The following ROBO2 variants were observed in gnomAD, a reference collection of about 807,000 sequenced individuals.
ROBO2 encodes the protein roundabout homolog 2.
ROBO2 carries 53 observed loss-of-function variants against 160.8 expected under a neutral mutation model. The ratio of observed to expected loss-of-function variants is 0.33; its 90% CI spans 0.26 to 0.41. The LOEUF (loss-of-function observed/expected upper bound fraction) is 0.41, where lower values mean the gene tolerates loss of function less well. Ranked by LOEUF, ROBO2 falls within the 10% of genes least tolerant of loss-of-function variation. The pLI, the probability that ROBO2 is intolerant of heterozygous loss-of-function variation, is 1.00. For synonymous variants in ROBO2, 664 were observed against 611.7 expected (o/e 1.09, Z -1.26); for missense variants, 1,577 against 1,722.4 (o/e 0.92, Z 1.49).
chr3:76,684,378 T>C lies in ROBO2; in HGVS notation c.110-413636T>C, dbSNP rs74912197. Among the ~76,000 whole-genome samples, 657 of 152,186 alleles carry C rather than the reference T, an allele frequency of 4.3e-3. 24 individuals are homozygous for C. The East Asian group carries it at 0.1, about 24-fold the overall frequency. On this transcript the variant is annotated intron_variant, in intron 2 of 26. Transcript: ENST00000487694. ...GTCTAAAGCTGTGAGTGATCTATAGTAGAGATTTGTTAAGTTCCATGTATA... is the reference window on the plus strand; with the variant it reads ...GTCTAAAGCTGTGAGTGATCTATAGCAGAGATTTGTTAAGTTCCATGTATA...
At chr3:75,947,155 G>C (rs1053343839) in intron 2 of ROBO2, among the ~76,000 whole-genome samples, 2 of 152,108 alleles carry the variant, frequency 1.3e-5, no homozygotes, top group African/African-American at 4.8e-5. Context: ...ATGACATGAG[G>C]AAGTTTGCAA....
intron 2 of ROBO2, among the ~76,000 whole-genome samples, chr3:77,355,530 G>A (rs2068984848): frequency 6.6e-6 from 1 of 152,078 alleles, no homozygotes; most frequent in Non-Finnish European, 1.5e-5. Flanking sequence ...GGTCACAGCA[G>A]GAAGGTGCTG....
chr3:76,314,018 C>T (rs2071790595), intron 2 of ROBO2, among the ~76,000 whole-genome samples: 1 of 152,080 alleles, frequency 6.6e-6, no homozygotes, highest in African/African-American at 2.4e-5. Context: ...CTTGTCAGAA[C>T]ATTTGGAAAA....
chr3:76,043,873 C>G (rs1420517957), intron 2 of ROBO2, among the ~76,000 whole-genome samples: 2 of 151,982 alleles, frequency 1.3e-5, no homozygotes, highest in Non-Finnish European at 2.9e-5. Flanking sequence ...CTTCGGATCA[C>G]TTTGCCCTGC....
At chr3:77,435,116 T>TTTTA (rs2153546062) in intron 2 of ROBO2, among the ~76,000 whole-genome samples, 1 of 152,106 alleles carries the variant, frequency 6.6e-6, no homozygotes, top group Non-Finnish European at 1.5e-5. Context: ...ATTAAAGACA[T>TTTTA]TGCATAAGCA....
chr3:76,491,938 TACAA>T (rs1301392951), intron 2 of ROBO2, among the ~76,000 whole-genome samples: 1 of 152,118 alleles, frequency 6.6e-6, no homozygotes, highest in African/African-American at 2.4e-5. Flanking sequence ...CTACTAAAAA[TACAA>T]ACAAACAAAC....
At chr3:76,792,701 G>C (rs2063441971) in intron 2 of ROBO2, among the ~76,000 whole-genome samples, 2 of 151,464 alleles carry the variant, frequency 1.3e-5, no homozygotes, top group Admixed American at 6.6e-5. Context: ...GACGATGTTG[G>C]TTTACTTAAA....
At chr3:76,456,795 G>C (rs1010548316) in intron 2 of ROBO2, among the ~76,000 whole-genome samples, 8 of 152,238 alleles carry the variant, frequency 5.3e-5, no homozygotes, top group African/African-American at 1.9e-4. Flanking sequence ...CACATGGCTG[G>C]GAAGGCCTCA....
intron 2 of ROBO2, among the ~76,000 whole-genome samples, chr3:76,853,930 G>T (rs1303267949): frequency 5.9e-5 from 9 of 151,506 alleles, no homozygotes; most frequent in Non-Finnish European, 1.5e-5. Flanking sequence ...TTCACCCAAG[G>T]CCCCTAACAG....
chr3:76,249,912 T>C (rs1705882432), intron 2 of ROBO2, among the ~76,000 whole-genome samples: 1 of 152,102 alleles, frequency 6.6e-6, no homozygotes, highest in Non-Finnish European at 1.5e-5. Flanking sequence ...AGTTAAATAA[T>C]GTCAAACAGG....
intron 2 of ROBO2, among the ~76,000 whole-genome samples, chr3:76,223,841 C>G (rs754590559): frequency 6.6e-6 from 1 of 152,154 alleles, no homozygotes; most frequent in African/African-American, 2.4e-5. Context: ...TAGGAGCAAC[C>G]AATCAGCATC....
At chr3:77,387,642 G>GAA (rs533585196) in intron 2 of ROBO2, among the ~76,000 whole-genome samples, 1 of 137,352 alleles carries the variant, frequency 7.3e-6, no homozygotes, top group Non-Finnish European at 1.6e-5. Context: ...TCTACCAAAA[G>GAA]AAAAAAAAAA....
chr3:76,151,243 A>G (rs948526128), intron 2 of ROBO2, among the ~76,000 whole-genome samples: 13 of 152,136 alleles, frequency 8.5e-5, no homozygotes, highest in African/African-American at 2.4e-4. Context: ...AGATTATGCT[A>G]GTTTCCTATA....
At chr3:77,266,010 G>A (rs777275220) in intron 2 of ROBO2, among the ~76,000 whole-genome samples, 25 of 151,964 alleles carry the variant, frequency 1.6e-4, no homozygotes, top group Non-Finnish European at 3.2e-4. Context: ...GCTATTCTAC[G>A]TATTTGGTAA....
chr3:77,125,287 G>A (rs1031983506), intron 2 of ROBO2, among the ~76,000 whole-genome samples: 11 of 152,196 alleles, frequency 7.2e-5, no homozygotes, highest in African/African-American at 2.6e-4. Context: ...GCTTCTAAGG[G>A]TGCTGTTTAT....
At chr3:76,817,961 G>A (rs527756580) in intron 2 of ROBO2, among the ~76,000 whole-genome samples, 2 of 151,406 alleles carry the variant, frequency 1.3e-5, no homozygotes, top group East Asian at 2.0e-4. Flanking sequence ...TACTATAAAC[G>A]TGTGTGCAAG....
intron 2 of ROBO2, among the ~76,000 whole-genome samples, chr3:76,631,834 G>A (rs2121790): frequency 0.32 from 48,119 of 151,926 alleles, 9,413 homozygotes; most frequent in East Asian, 0.58. Flanking sequence ...AAGTACTGGC[G>A]GATGTGTACA....
At chr3:76,916,674 A>G (rs933147454) in intron 2 of ROBO2, among the ~76,000 whole-genome samples, 1 of 152,020 alleles carries the variant, frequency 6.6e-6, no homozygotes, top group Non-Finnish European at 1.5e-5. Flanking sequence ...GATAGTATCA[A>G]GATTGACGTT....
intron 9 of ROBO2, among the ~76,000 whole-genome samples, chr3:77,561,458 C>T (rs567408358): frequency 8.9e-4 from 136 of 152,216 alleles, no homozygotes; most frequent in African/African-American, 3.2e-3. Context: ...TTTGGAGTTG[C>T]CTCTTTTATT....
Sources: gnomAD v4.1 joint callset for allele counts (sites outside exome capture counted in the v4.1 genomes callset) on GRCh38, gnomAD v4.1.1 for gene constraint, MANE v1.5 for transcripts, NCBI Gene and HGNC (gene_info 2026-07-23, HGNC 2026-07-21) for gene names.